Variants in PAK1 observed in about 807,000 individuals in gnomAD.
PAK1 encodes the protein serine/threonine-protein kinase PAK 1.
PAK1 carries 29 observed loss-of-function variants against 67.4 expected under a neutral mutation model. The ratio of observed to expected loss-of-function variants is 0.43; its 90% CI spans 0.32 to 0.59. PAK1 has a LOEUF of 0.59. Ranked by LOEUF, PAK1 falls within the 20% of genes least tolerant of loss-of-function variation. The pLI is 0.07. For missense variants in PAK1, 337 were observed against 670.7 expected (o/e 0.50, Z 5.50); for synonymous variants, 223 against 237.4 (o/e 0.94, Z 0.56).
intron 1 of PAK1, among the ~76,000 whole-genome samples, chr11:77,412,321 T>C (rs1193037150): frequency 1.3e-5 from 2 of 151,510 alleles, no homozygotes; most frequent in Non-Finnish European, 2.9e-5. Flanking sequence ...GAGATACACC[T>C]CCCCCCTCCC....
rs145248652 is a variant in PAK1, at chr11:77,416,952, C to CA, written c.-21-24412dup. 5.7e-3 allele frequency among the ~76,000 whole-genome samples: 756 copies of CA among 132,020 alleles called. 4 individuals are homozygous for CA. The highest frequency in any genetic ancestry group is 0.017 in the African/African-American group (604 of 36,162). 86.6% of individuals were successfully genotyped at this position (132,020 alleles called of 152,430 possible). A position where few individuals can be genotyped will look rare whatever the true frequency, so the allele number is the denominator to read the frequency against. On this transcript the variant is annotated intron_variant, in intron 1 of 14. Coordinates refer to ENST00000356341, the MANE Select transcript of PAK1 (RefSeq NM_002576.5). Reference sequence around the variant, plus strand: ...TGGGCAAGAGAGCAAGACTCTGTCTCAAAAAAAAAAAAAAGTACATATGTG... The same window carrying CA: ...TGGGCAAGAGAGCAAGACTCTGTCTCAAAAAAAAAAAAAAAGTACATATGTG...
intron 1 of PAK1, among the ~76,000 whole-genome samples, chr11:77,429,836 T>C (rs1279896444): frequency 6.6e-6 from 1 of 152,238 alleles, no homozygotes; most frequent in Non-Finnish European, 1.5e-5. Context: ...ACAGTGTTTA[T>C]TTCCTGATTT....
At chr11:77,383,403 C>G (rs1950085230) in intron 2 of PAK1, among the ~76,000 whole-genome samples, 1 of 150,506 alleles carries the variant, frequency 6.6e-6, no homozygotes, top group African/African-American at 2.5e-5. Context: ...CAGCTCACTG[C>G]AACCTCCACC....
At chr11:77,412,827 G>A (rs1164883012) in intron 1 of PAK1, among the ~76,000 whole-genome samples, 1 of 152,146 alleles carries the variant, frequency 6.6e-6, no homozygotes, top group Non-Finnish European at 1.5e-5. Context: ...ATTCACATAC[G>A]TCAAAACGGA....
intron 5 of PAK1, among the ~76,000 whole-genome samples, chr11:77,371,929 A>G (rs1202659636): frequency 6.6e-6 from 1 of 152,200 alleles, no homozygotes; most frequent in Non-Finnish European, 1.5e-5. Flanking sequence ...CCTTTATAAG[A>G]CCTCAATGAC....
At chr11:77,347,211 C>T (rs1944562856) in intron 9 of PAK1, 9 of 398,270 alleles carry the variant, frequency 2.3e-5, no homozygotes, top group South Asian at 1.7e-4. Flanking sequence ...TGGCCAGCTT[C>T]TCACACAGCC....
intron 1 of PAK1, among the ~76,000 whole-genome samples, chr11:77,403,173 CT>C (rs1952947599): frequency 1.3e-5 from 2 of 152,214 alleles, no homozygotes; most frequent in Non-Finnish European, 2.9e-5. Flanking sequence ...TTCTCTTCCT[CT>C]TGTAAAAACC....
chr11:77,400,924 T>A (rs1466215130), intron 1 of PAK1, among the ~76,000 whole-genome samples: 1 of 152,236 alleles, frequency 6.6e-6, no homozygotes, highest in Non-Finnish European at 1.5e-5. Flanking sequence ...ATGCTGCCAG[T>A]CACCCAGGGT....
At chr11:77,445,121 G>A (rs1324490440) in intron 1 of PAK1, among the ~76,000 whole-genome samples, 2 of 152,162 alleles carry the variant, frequency 1.3e-5, no homozygotes, top group African/African-American at 4.8e-5. Context: ...ATAAAAAGGG[G>A]AAATTTGGAC....
At position 77,336,292 on chromosome 11, in the gene PAK1, A is replaced by G; in HGVS notation, c.1217-10T>C. The G allele has an allele frequency of 1.3e-6, 2 of 1,593,090 alleles. No homozygotes were observed. Among genetic ancestry groups the G allele is most frequent in the Non-Finnish European group, 1.7e-6 (2 of 1,162,738 alleles). On this transcript the variant is annotated splice_polypyrimidine_tract_variant and intron_variant, in intron 12 of 14. Coordinates refer to ENST00000356341, the MANE Select transcript of PAK1 (RefSeq NM_002576.5). ...CAGAATCCAAAGTCAGCTAGAAAAG[A>G]AAAATAAGAGAAAGAACATACATTT...
chr11:77,440,966 T>C (rs1199276235), intron 1 of PAK1, among the ~76,000 whole-genome samples: 1 of 152,162 alleles, frequency 6.6e-6, no homozygotes, highest in Non-Finnish European at 1.5e-5. Flanking sequence ...AGGGAAAGTA[T>C]GTTTACAGCT....
At chr11:77,333,302 A>G (rs1439071356) in intron 13 of PAK1, among the ~76,000 whole-genome samples, 1 of 151,100 alleles carries the variant, frequency 6.6e-6, no homozygotes, top group Non-Finnish European at 1.5e-5. Context: ...GGTTCAAGCA[A>G]TTCTCCTGAC....
chr11:77,347,197 C>T (rs1944561455), intron 9 of PAK1: 4 of 408,528 alleles, frequency 9.8e-6, no homozygotes, highest in South Asian at 7.3e-5. Context: ...ATTTCTCTTT[C>T]CTCTGGCCAG....
intron 1 of PAK1, 135 bp from the exon 2 acceptor site, chr11:77,392,676 C>T (rs1441040070): frequency 7.0e-5 from 39 of 554,396 alleles, no homozygotes; most frequent in Non-Finnish European, 1.2e-4. Flanking sequence ...CCACTGCACA[C>T]CATGATATTG....
chr11:77,380,267 G>A (rs1207016168), intron 2 of PAK1, among the ~76,000 whole-genome samples: 1 of 152,186 alleles, frequency 6.6e-6, no homozygotes, highest in East Asian at 1.9e-4. Flanking sequence ...GCCAAGGCAG[G>A]CAGATTGCTT....
chr11:77,425,459 A>G (rs1955499991), intron 1 of PAK1, among the ~76,000 whole-genome samples: 1 of 152,284 alleles, frequency 6.6e-6, no homozygotes, highest in Non-Finnish European at 1.5e-5. Context: ...ATTCATATCC[A>G]TTATCCAATT....
intron 1 of PAK1, among the ~76,000 whole-genome samples, chr11:77,399,762 G>A (rs546201915): frequency 5.6e-4 from 79 of 141,048 alleles, no homozygotes; most frequent in African/African-American, 2.0e-3. Flanking sequence ...GGGAGGCTGA[G>A]GCAGGAGAAT....
At chr11:77,495,993 T>C in the PAK1 span, among the ~76,000 whole-genome samples, 1 of 151,178 alleles carries the variant, frequency 6.6e-6, no homozygotes, top group African/African-American at 2.4e-5. Context: ...ACAATGTGCA[T>C]GTACTTAATA....
chr11:77,412,048 TC>T (rs2138056819), intron 1 of PAK1: 1 of 152,334 alleles, frequency 6.6e-6, no homozygotes, highest in South Asian at 2.1e-4. Context: ...CGCGCGCTTC[TC>T]CTTTTCTGCA....
Sources: gnomAD v4.1 joint callset for allele counts (sites outside exome capture counted in the v4.1 genomes callset) on GRCh38, gnomAD v4.1.1 for gene constraint, MANE v1.5 for transcripts, NCBI Gene and HGNC (gene_info 2026-07-23, HGNC 2026-07-21) for gene names.